The following CALN1 variants were observed in gnomAD, a reference collection of about 807,000 sequenced individuals.
CALN1 encodes calcium-binding protein 8.
In CALN1, 17 loss-of-function variants were observed where a neutral mutation model predicts 30.6. That is an observed-to-expected ratio of 0.56 (90% confidence interval 0.38 to 0.83). The LOEUF (loss-of-function observed/expected upper bound fraction) is 0.83. Ranked by LOEUF, CALN1 falls within the 40% of genes least tolerant of loss-of-function variation. The probability of loss-of-function intolerance (pLI) is 0.00; values close to 1 mark genes in which losing one functional copy is unlikely to be tolerated. For missense variants in CALN1, 291 were observed against 354.9 expected (o/e 0.82, Z 1.45); for synonymous variants, 156 against 131.4 (o/e 1.19, Z -1.28).
intron 1 of CALN1, among the ~76,000 whole-genome samples, chr7:72,444,702 G>T (rs1327268855): frequency 6.6e-6 from 1 of 152,116 alleles, no homozygotes; most frequent in Non-Finnish European, 1.5e-5. Context: ...CAAGGCAGCT[G>T]CAATTGAAAG....
chr7:72,247,233 T>TA (rs1795246238), intron 3 of CALN1, among the ~76,000 whole-genome samples: 1 of 14,436 alleles, frequency 6.9e-5, no homozygotes, highest in Non-Finnish European at 1.2e-4. Context: ...CTTTCTTTTT[T>TA]TTTTTTTTTT....
In CALN1 at chr7:72,166,005, C is replaced by T. The variant is rs191693649; in HGVS notation, c.245-59711G>A. Among the ~76,000 whole-genome samples the T allele has an allele frequency of 3.3e-5, 5 of 152,232 alleles. No homozygotes were observed. The East Asian group carries it at 5.8e-4, about 18-fold the overall frequency. On this transcript the variant is annotated intron_variant, in intron 3 of 6. Coordinates refer to ENST00000395275, the MANE Select transcript of CALN1 (RefSeq NM_031468.4). ...TTAGGTGGCTGACCCAGCAATTTTC[C>T]GAACCTCCTTCTCCTTTCTCATGCT...
intron 2 of CALN1, among the ~76,000 whole-genome samples, chr7:72,371,600 C>T (rs1243049787): frequency 1.3e-5 from 2 of 152,172 alleles, no homozygotes; most frequent in Non-Finnish European, 2.9e-5. Context: ...GTCAGTTAAC[C>T]TCTTTACTTT....
intron 2 of CALN1, among the ~76,000 whole-genome samples, chr7:72,382,407 G>C (rs566081654): frequency 3.5e-4 from 54 of 152,304 alleles, no homozygotes; most frequent in African/African-American, 1.2e-3. Context: ...TTCCCAAAGA[G>C]TGAGTGACAG....
upstream of CALN1, among the ~76,000 whole-genome samples, chr7:72,451,435 G>A (rs1311489086): frequency 1.4e-5 from 2 of 144,202 alleles, no homozygotes; most frequent in Non-Finnish European, 3.0e-5. Flanking sequence ...GGGGAAGGGG[G>A]AGGAGGAGAA....
chr7:72,098,762 GCGCACACA>G (rs1350638558), intron 4 of CALN1, among the ~76,000 whole-genome samples: 5 of 115,290 alleles, frequency 4.3e-5, no homozygotes, highest in Admixed American at 8.1e-5. Flanking sequence ...CCCATTTGGC[GCGCACACA>G]CACACACACA....
chr7:71,820,737 T>C (rs188063843), intron 5 of CALN1, among the ~76,000 whole-genome samples: 1 of 152,348 alleles, frequency 6.6e-6, no homozygotes, highest in Admixed American at 6.5e-5. Context: ...GTTGTATTTT[T>C]ATCCACTAAA....
chr7:71,831,633 C>T (rs1789280147), intron 5 of CALN1, among the ~76,000 whole-genome samples: 1 of 151,598 alleles, frequency 6.6e-6, no homozygotes, highest in Non-Finnish European at 1.5e-5. Flanking sequence ...CATCTATAAG[C>T]CCAGCACTTT....
chr7:72,253,870 A>G (rs1390255446), intron 3 of CALN1, among the ~76,000 whole-genome samples: 1 of 152,142 alleles, frequency 6.6e-6, no homozygotes, highest in African/African-American at 2.4e-5. Context: ...CCTCCAGAGG[A>G]GCTGGGACTA....
At chr7:71,829,981 C>G (rs925122596) in intron 5 of CALN1, among the ~76,000 whole-genome samples, 3 of 151,104 alleles carry the variant, frequency 2.0e-5, no homozygotes, top group Admixed American at 1.3e-4. Flanking sequence ...GTCTGTCTGT[C>G]TGTCTCTCTC....
At chr7:72,309,513 G>A (rs149666930) in intron 2 of CALN1, among the ~76,000 whole-genome samples, 3 of 152,170 alleles carry the variant, frequency 2.0e-5, no homozygotes, top group Non-Finnish European at 4.4e-5. Context: ...AGGGGAGGGG[G>A]GCTCACAAGG....
At chr7:72,171,555 A>G (rs1788962914) in intron 3 of CALN1, among the ~76,000 whole-genome samples, 1 of 152,236 alleles carries the variant, frequency 6.6e-6, no homozygotes, top group African/African-American at 2.4e-5. Context: ...CAATGAAGGA[A>G]AAACATCTGA....
chr7:72,001,659 G>A lies in CALN1; in HGVS notation c.501+21998C>T, dbSNP rs2129528590. 2.0e-5 allele frequency among the ~76,000 whole-genome samples: 3 copies of A among 152,262 alleles called. No individual in the cohort carries two copies. In the Middle Eastern group the frequency reaches 0.01, roughly 518 times the overall value. On this transcript the variant is annotated intron_variant, in intron 5 of 6. Coordinates refer to ENST00000395275, the MANE Select transcript of CALN1 (RefSeq NM_031468.4). ...GTGGACTTTACTTCCTTTTGTTCCT[G>A]TTCTAAAGCTGTTTAATAAACTTTC... is the stretch of plus-strand genomic sequence containing the variant.
At chr7:71,940,790 T>C (rs1180462876) in intron 5 of CALN1, among the ~76,000 whole-genome samples, 1 of 151,970 alleles carries the variant, frequency 6.6e-6, no homozygotes, top group Non-Finnish European at 1.5e-5. Context: ...TTTTTGTAAT[T>C]TTGGTAGAGA....
intron 2 of CALN1, among the ~76,000 whole-genome samples, chr7:72,333,264 G>C (rs1332746649): frequency 6.6e-6 from 1 of 152,130 alleles, no homozygotes; most frequent in Non-Finnish European, 1.5e-5. Context: ...ACATGGTCTG[G>C]CCTCCCCACT....
intron 4 of CALN1, among the ~76,000 whole-genome samples, chr7:72,081,130 T>C (rs763997343): frequency 3.3e-5 from 5 of 152,100 alleles, no homozygotes; most frequent in Admixed American, 1.3e-4. Context: ...AGTGAGAGCA[T>C]TCTATCTGCA....
At chr7:72,333,633 CA>C (rs1801818492) in intron 2 of CALN1, among the ~76,000 whole-genome samples, 1 of 149,624 alleles carries the variant, frequency 6.7e-6, no homozygotes, top group South Asian at 2.1e-4. Flanking sequence ...ACTCTGACTA[CA>C]CCAGCTGAAG....
intron 2 of CALN1, among the ~76,000 whole-genome samples, chr7:72,282,067 A>G (rs1468797796): frequency 1.3e-5 from 2 of 152,244 alleles, no homozygotes; most frequent in Non-Finnish European, 2.9e-5. Context: ...ATATAAAGTC[A>G]TGTTCAAGAA....
chr7:72,315,739 T>C (rs1365053225), intron 2 of CALN1, among the ~76,000 whole-genome samples: 1 of 151,736 alleles, frequency 6.6e-6, no homozygotes. Flanking sequence ...ACAACGCCAA[T>C]AGCAGACATT....
Sources: gnomAD v4.1 joint callset for allele counts (sites outside exome capture counted in the v4.1 genomes callset) on GRCh38, gnomAD v4.1.1 for gene constraint, MANE v1.5 for transcripts, NCBI Gene and HGNC (gene_info 2026-07-23, HGNC 2026-07-21) for gene names.